Variants in ITGB4 observed in about 807,000 individuals in gnomAD.
ITGB4 encodes integrin subunit beta 4.
In ITGB4, 159 loss-of-function variants were observed where a neutral mutation model predicts 207.6. The ratio of observed to expected loss-of-function variants is 0.77; its 90% CI spans 0.67 to 0.87. The LOEUF is 0.87. ITGB4 is among the 40% of genes least tolerant of loss of function. The pLI, the probability that ITGB4 is intolerant of heterozygous loss-of-function variation, is 0.00. For synonymous variants in ITGB4, 1,020 were observed against 1,062.7 expected (o/e 0.96, Z 0.78); for missense variants, 2,278 against 2,546.8 (o/e 0.89, Z 2.27).
In ITGB4 at chr17:75,742,695, G is replaced by A. The variant is rs150234651; in HGVS notation, c.2896G>A (p.Asp966Asn). 2.2e-4 allele frequency: 351 copies of A among 1,613,766 alleles called. 1 individual carries two copies. In the African/African-American group the frequency reaches 3.9e-3, roughly 18 times the overall value. ...GAAGCAGCTGCTGGTGGAGGCCATC[G>A]ACGTGCCCGCAGGCACTGCCACCCT... ...DEKQLLVEAI[D>N]VPAGTATLGR... Residue 966 changes from aspartate to asparagine, a missense_variant, in exon 25 of 40, where the codon GAC (aspartate) becomes AAC (asparagine). Coordinates refer to ENST00000200181, the MANE Select transcript of ITGB4 (RefSeq NM_000213.5). The surrounding 1 kb of genome is among the most constrained non-coding windows in gnomAD (Gnocchi z 5.9).
At chr17:75,748,430 G>A (rs1035693342) in intron 26 of ITGB4, among the ~76,000 whole-genome samples, 1 of 151,994 alleles carries the variant, frequency 6.6e-6, no homozygotes, top group African/African-American at 2.4e-5. Flanking sequence ...AGCACTTTGG[G>A]AGGCCAAGGT....
Position 75,737,392 on chromosome 17 carries a change from A to G in ITGB4, c.2061A>G (p.Glu687=). 1 of 1,569,880 alleles carries G rather than the reference A, an allele frequency of 6.4e-7. No individual in the cohort carries two copies. The highest frequency in any genetic ancestry group is 8.6e-7 in the Non-Finnish European group (1 of 1,157,656). Residue 687 remains glutamate (E), a synonymous_variant, in exon 17 of 40, where the codon GAA becomes GAG. Coordinates refer to ENST00000200181, the MANE Select transcript of ITGB4 (RefSeq NM_000213.5). ...DDDCTYSYTM[E]GDGAPGPNST... is the part of the protein sequence containing the mutation. ...ACTGCACCTACAGCTACACCATGGA[A>G]GGTGACGGCGCCCCTGGGCCCAACA...
At chr17:75,754,446 G>T in intron 33 of ITGB4, 130 bp from the exon 34 acceptor site, 1 of 1,183,314 alleles carries the variant, frequency 8.5e-7, no homozygotes, top group Admixed American at 1.8e-5. Context: ...AGTGGTTTGA[G>T]GGAAACTGGT....
Position 75,730,886 on chromosome 17 carries a change from C to T in ITGB4, c.1014C>T (p.Thr338=), listed in dbSNP as rs1404269649. 1.2e-6 allele frequency: 2 copies of T among 1,613,354 alleles called. No homozygotes were observed. Among genetic ancestry groups the T allele is most frequent in the Non-Finnish European group, 1.7e-6 (2 of 1,179,778 alleles). ...YSYSYYEKLH[T]YFPVSSLGVL... is the part of the protein sequence containing the mutation. ...CTTCTCTCCCGCAGAAGCTTCACAC[C>T]TATTTCCCTGTCTCCTCACTGGGGG... is the stretch of plus-strand genomic sequence containing the variant. The change falls in exon 9 of 40, where the codon ACC becomes ACT. Residue 338 remains threonine (T), a synonymous_variant. Transcript: ENST00000200181.
chr17:75,724,662 G>A, intron 1 of ITGB4, 32 bp from the exon 2 acceptor site: 1 of 1,469,380 alleles, frequency 6.8e-7, no homozygotes, highest in Non-Finnish European at 9.5e-7. Flanking sequence ...TGGCTGTGGA[G>A]GCCTCATGTG....
At chr17:75,723,720 C>T (rs1201526774) in intron 1 of ITGB4, among the ~76,000 whole-genome samples, 2 of 152,226 alleles carry the variant, frequency 1.3e-5, no homozygotes, top group Admixed American at 6.5e-5. Flanking sequence ...CCCCAGAAGC[C>T]GGGCTGAGAC....
Position 75,733,591 on chromosome 17 carries a change from A to C in ITGB4, c.1556A>C (p.Gln519Pro). 1 of 1,614,142 alleles carries C rather than the reference A, an allele frequency of 6.2e-7. No individual in the cohort carries two copies. The highest frequency in any genetic ancestry group is 1.1e-5 in the South Asian group (1 of 91,086). The change falls in exon 13 of 40, where the codon CAG (glutamine) becomes CCG (proline). Residue 519 changes from glutamine to proline, a missense_variant. Physicochemically the swap from Gln to Pro is moderately conservative, Grantham distance 76. Transcript: ENST00000200181. ...CCGTGCTCCGGCCGTGGGGAGTGCC[A>C]GTGCGGGCACTGTGTGTGCTACGGC... ...DKPCSGRGEC[Q>P]CGHCVCYGEG...
chr17:75,736,666 G>C lies in ITGB4; in HGVS notation c.1962G>C (p.Lys654Asn). ...GCACGTGTGAGGAATGCAACTTCAA[G>C]GTCAAGATGGTGGACGAGCTTAAGA... Reference protein sequence around the residue: ...KGRTCEECNFKVKMVDELKRA... With the variant: ...KGRTCEECNFNVKMVDELKRA... Residue 654 changes from lysine to asparagine, a missense_variant, in exon 16 of 40, where the codon AAG becomes AAC. Lys to Asn is a moderately conservative substitution (Grantham distance 94). Coordinates refer to ENST00000200181, the MANE Select transcript of ITGB4 (RefSeq NM_000213.5). 1 of 1,597,962 alleles carries C rather than the reference G, an allele frequency of 6.3e-7. No homozygotes were observed. The highest frequency in any genetic ancestry group is 2.3e-5 in the East Asian group (1 of 44,366).
At chr17:75,752,111 AG>A (rs1387044335) in intron 30 of ITGB4, 62 bp from the exon 31 acceptor site, 1 of 1,544,198 alleles carries the variant, frequency 6.5e-7, no homozygotes, top group Non-Finnish European at 9.0e-7. Context: ...CTGCTGTGTC[AG>A]GGGTGGTGTT....
chr17:75,731,495 C>A lies in ITGB4; in HGVS notation c.1215+127C>A. The A allele has an allele frequency of 9.9e-7, 1 of 1,012,080 alleles. No individual in the cohort carries two copies. The highest frequency in any genetic ancestry group is 1.5e-5 in the South Asian group (1 of 64,982). The allele number at this position is 1,012,080 out of a possible 1,614,324, so 62.7% of individuals were successfully genotyped here. A position where few individuals can be genotyped will look rare whatever the true frequency, so the allele number is the denominator to read the frequency against. On this transcript the variant is annotated intron_variant, in intron 10 of 39. Coordinates refer to ENST00000200181, the MANE Select transcript of ITGB4 (RefSeq NM_000213.5). The surrounding 1 kb of genome is among the most constrained non-coding windows in gnomAD (Gnocchi z 6.8). Reference sequence around the variant, plus strand: ...GCAGGCCTGGGTGCAGATCCCTGGGCCTAGCCGCTCGGATGAGCCTAGGTT... The same window carrying A: ...GCAGGCCTGGGTGCAGATCCCTGGGACTAGCCGCTCGGATGAGCCTAGGTT...
In ITGB4 at chr17:75,740,295, TG is replaced by T; in HGVS notation, c.2447-61del. 7.0e-7 allele frequency: 1 copy of T among 1,436,324 alleles called. No homozygotes were observed. The highest frequency in any genetic ancestry group is 9.7e-7 in the Non-Finnish European group (1 of 1,032,192). 89.0% of individuals were successfully genotyped at this position (1,436,324 alleles called of 1,614,324 possible). A position where few individuals can be genotyped will look rare whatever the true frequency, so the allele number is the denominator to read the frequency against. ...GCATGGTTGCTGGAGGGATGCTCTG[TG>T]GTGCCTGTCATGCAGGGGGCTGACC... On this transcript the variant is annotated intron_variant, in intron 20 of 39. Coordinates refer to ENST00000200181, the MANE Select transcript of ITGB4 (RefSeq NM_000213.5). The surrounding 1 kb of genome is among the most constrained non-coding windows in gnomAD (Gnocchi z 5.9).
chr17:75,756,835 A>G lies in ITGB4; in HGVS notation c.5029A>G (p.Thr1677Ala), dbSNP rs200142052. ...TGGGGATATCGTCGGCTACCTGGTG[A>G]CCTGTGAGATGGCCCAAGGAGGAGG... ...PNGDIVGYLV[T>A]CEMAQGGGPA... is the part of the protein sequence containing the mutation. Residue 1677 changes from threonine to alanine, a missense_variant, in exon 37 of 40, where the codon ACC becomes GCC. Transcript: ENST00000200181. 1.2e-6 allele frequency: 2 copies of G among 1,612,258 alleles called. No individual in the cohort carries two copies. Among genetic ancestry groups the G allele is most frequent in the East Asian group, 4.5e-5 (2 of 44,850 alleles).
intron 2 of ITGB4, among the ~76,000 whole-genome samples, chr17:75,725,213 G>C (rs1422699605): frequency 1.3e-5 from 2 of 152,200 alleles, no homozygotes; most frequent in Admixed American, 6.5e-5. Context: ...GGGTCCTGCT[G>C]GTGGCTTGAA....
Position 75,757,527 on chromosome 17 carries a change from A to G in ITGB4, c.5441A>G (p.His1814Arg), listed in dbSNP as rs1272722876. The stretch of plus-strand genomic sequence containing the variant: ...ACCACCAGCGGAACCCTTAGCACCC[A>G]CATGGACCAACAGTTCTTCCAAACT... ...TLTTSGTLST[H>R]MDQQFFQT The change falls in exon 40 of 40, where the codon CAC becomes CGC. Residue 1814 changes from histidine (H) to arginine (R), a missense_variant. His to Arg is a conservative substitution (Grantham distance 29). Transcript: ENST00000200181. 1.9e-6 allele frequency: 3 copies of G among 1,613,302 alleles called. No individual in the cohort carries two copies. In the Admixed American group the frequency reaches 5.0e-5, roughly 27 times the overall value.
chr17:75,748,537 G>A (rs1482889081), intron 26 of ITGB4, among the ~76,000 whole-genome samples: 2 of 152,074 alleles, frequency 1.3e-5, no homozygotes, highest in South Asian at 2.1e-4. Context: ...AGGCGTGGTG[G>A]CAGGTGCCTG....
At position 75,754,803 on chromosome 17, in the gene ITGB4, G is replaced by T; in HGVS notation, c.4546G>T (p.Val1516Phe). 5.0e-6 allele frequency: 8 copies of T among 1,613,946 alleles called. No homozygotes were observed. The highest frequency in any genetic ancestry group is 6.8e-6 in the Non-Finnish European group (8 of 1,179,966). ...LPRDYSTLTS[V>F]SSHDSRLTAG... ...CAGGGACTACTCCACCCTCACCTCC[G>T]TCTCCTCCCACGGTGAGTGACCTCA... Residue 1516 changes from valine (V) to phenylalanine (F), a missense_variant, in exon 34 of 40, where the codon GTC becomes TTC. Coordinates refer to ENST00000200181, the MANE Select transcript of ITGB4 (RefSeq NM_000213.5).
chr17:75,725,853 G>A (rs749147882), intron 2 of ITGB4, among the ~76,000 whole-genome samples: 1 of 152,264 alleles, frequency 6.6e-6, no homozygotes, highest in Non-Finnish European at 1.5e-5. Flanking sequence ...AAGGGGCTCA[G>A]AGGACAGACA....
chr17:75,735,994 G>T, intron 13 of ITGB4, 57 bp from the exon 14 acceptor site: 1 of 1,554,476 alleles, frequency 6.4e-7, no homozygotes, highest in South Asian at 1.1e-5. Flanking sequence ...CAGGTGGGCA[G>T]CCTGGACTAC....
rs150113215 is a variant in ITGB4 at position 75,730,369 on chromosome 17, C to T, written c.867C>T (p.His289=). The change falls in exon 8 of 40, where the codon CAC becomes CAT. Residue 289 remains histidine (H), a synonymous_variant. Coordinates refer to ENST00000200181, the MANE Select transcript of ITGB4 (RefSeq NM_000213.5). ...GIMSRNDERC[H]LDTTGTYTQY... ...TGAGCCGCAACGATGAACGGTGCCA[C>T]CTGGACACCACGGGCACCTACACCC... The T allele has an allele frequency of 7.3e-4, 1,186 of 1,613,918 alleles. 11 individuals carry two copies. The African/African-American group carries it at 0.014, about 19-fold the overall frequency.
Sources: allele counts gnomAD v4.1 joint callset (sites outside exome capture counted in the v4.1 genomes callset), GRCh38; gene constraint gnomAD v4.1.1; non-coding constraint Gnocchi (gnomAD v3.1); transcripts MANE v1.5; gene names NCBI Gene and HGNC (gene_info 2026-07-23, HGNC 2026-07-21).